Variants in CFAP299 observed in about 807,000 individuals in gnomAD.
CFAP299 encodes cilia- and flagella-associated protein 299.
Under a neutral mutation model 27.0 loss-of-function variants are expected in CFAP299, and 21 were observed. The ratio of observed to expected loss-of-function variants is 0.78; its 90% CI spans 0.55 to 1.12. The LOEUF (loss-of-function observed/expected upper bound fraction) is 1.12, where lower values mean the gene tolerates loss of function less well. Among genes scored for constraint, CFAP299 ranks in the 50% most tolerant of loss-of-function variants. CFAP299 has a pLI of 0.00. For missense variants in CFAP299, 310 were observed against 276.6 expected (o/e 1.12, Z -0.86); for synonymous variants, 104 against 98.1 (o/e 1.06, Z -0.36).
chr4:80,383,915 T>A (rs1475315799), intron 2 of CFAP299, among the ~76,000 whole-genome samples: 1 of 152,164 alleles, frequency 6.6e-6, no homozygotes, highest in Non-Finnish European at 1.5e-5. Context: ...GAATTAATAT[T>A]GTTCTTGTGC....
At chr4:80,766,354 T>C (rs1359676771) in intron 3 of CFAP299, among the ~76,000 whole-genome samples, 1 of 152,194 alleles carries the variant, frequency 6.6e-6, no homozygotes, top group Non-Finnish European at 1.5e-5. Context: ...ATTGTACTTA[T>C]ACAGACGAAA....
intron 2 of CFAP299, chr4:80,388,294 C>T (rs537476646): frequency 3.7e-4 from 255 of 694,626 alleles, no homozygotes; most frequent in Non-Finnish European, 5.7e-4. Context: ...AAATGGCAGA[C>T]ATGAGCAAGT....
rs192873093 is a variant in CFAP299, at chr4:80,652,875, A to G, written c.333+69692A>G. On this transcript the variant is annotated intron_variant, in intron 3 of 5. Coordinates refer to ENST00000358105, the MANE Select transcript of CFAP299 (RefSeq NM_152770.3). ...AGTTCTCAAATCCGACTCGCCTCCA[A>G]TGCAAAGTTGACGTGCCTATGCCTT... Among the ~76,000 whole-genome samples, 17 of 152,220 alleles carry G rather than the reference A, an allele frequency of 1.1e-4. No individual in the cohort carries two copies. The East Asian group carries it at 1.2e-3, about 10-fold the overall frequency.
At chr4:80,743,308 T>C (rs532861637) in intron 3 of CFAP299, among the ~76,000 whole-genome samples, 91 of 152,286 alleles carry the variant, frequency 6.0e-4, no homozygotes, top group Middle Eastern at 6.8e-3. Flanking sequence ...AGAAAAATTT[T>C]AAGCATCATA....
intron 3 of CFAP299, among the ~76,000 whole-genome samples, chr4:80,861,008 C>T (rs1195088943): frequency 6.6e-6 from 1 of 152,196 alleles, no homozygotes; most frequent in African/African-American, 2.4e-5. Flanking sequence ...TGCCCTGCCC[C>T]CAGAGGTGGA....
At chr4:80,897,714 C>G (rs922315303) in intron 4 of CFAP299, among the ~76,000 whole-genome samples, 1 of 152,194 alleles carries the variant, frequency 6.6e-6, no homozygotes, top group African/African-American at 2.4e-5. Context: ...TTCTGCCACA[C>G]CTGACATCTC....
chr4:80,622,651 C>T (rs187451491), intron 3 of CFAP299, among the ~76,000 whole-genome samples: 1 of 152,198 alleles, frequency 6.6e-6, no homozygotes, highest in Admixed American at 6.5e-5. Flanking sequence ...AGTACCATGT[C>T]TACATCAAAT....
At chr4:80,607,654 T>A (rs1737748558) in intron 3 of CFAP299, among the ~76,000 whole-genome samples, 1 of 152,054 alleles carries the variant, frequency 6.6e-6, no homozygotes, top group African/African-American at 2.4e-5. Flanking sequence ...CAGAGAAACA[T>A]TGTGTTATTT....
intron 2 of CFAP299, among the ~76,000 whole-genome samples, chr4:80,455,178 T>C (rs1253394085): frequency 6.6e-6 from 1 of 152,200 alleles, no homozygotes; most frequent in African/African-American, 2.4e-5. Flanking sequence ...TCAAAGGCAG[T>C]CTGGTCCCCA....
chr4:80,413,643 C>T (rs900530788), intron 2 of CFAP299, among the ~76,000 whole-genome samples: 4 of 151,924 alleles, frequency 2.6e-5, no homozygotes, highest in Admixed American at 6.6e-5. Context: ...CTGTGTCTCA[C>T]GAGGCACAAG....
chr4:80,393,890 C>T (rs2110040003), intron 2 of CFAP299, among the ~76,000 whole-genome samples: 1 of 152,212 alleles, frequency 6.6e-6, no homozygotes, highest in East Asian at 1.9e-4. Flanking sequence ...CCCCACGTGT[C>T]AAGAGTGGGA....
intron 5 of CFAP299, among the ~76,000 whole-genome samples, chr4:80,962,630 A>G (rs1399857009): frequency 1.3e-5 from 2 of 152,042 alleles, no homozygotes; most frequent in Non-Finnish European, 2.9e-5. Context: ...ATGGGGGCAC[A>G]GTCAGGACAC....
Position 80,372,202 on chromosome 4 carries a change from G to A in CFAP299, c.242+9318G>A, listed in dbSNP as rs148953717. Among the ~76,000 whole-genome samples the A allele has an allele frequency of 2.2e-3, 337 of 152,232 alleles. 1 individual carries two copies. Among genetic ancestry groups the A allele is most frequent in the African/African-American group, 7.7e-3 (321 of 41,544 alleles). ...GCAGGAGGAAGAGAGAGATGGAGGA[G>A]GTGCCACACATTTTTAAGCAACCAG... is the stretch of plus-strand genomic sequence containing the variant. On this transcript the variant is annotated intron_variant, in intron 2 of 5. Coordinates refer to ENST00000358105, the MANE Select transcript of CFAP299 (RefSeq NM_152770.3).
the CFAP299 span, among the ~76,000 whole-genome samples, chr4:80,328,495 T>C: frequency 1.4e-5 from 2 of 145,086 alleles, no homozygotes; most frequent in South Asian, 2.2e-4. Flanking sequence ...TAGGGTTGTA[T>C]TGTGTGGGTA....
intron 2 of CFAP299, among the ~76,000 whole-genome samples, chr4:80,366,074 C>T (rs924313872): frequency 5.3e-5 from 8 of 152,166 alleles, no homozygotes; most frequent in East Asian, 1.9e-4. Context: ...AGTCCATTCC[C>T]TTCCAGGTTC....
chr4:80,661,705 C>A (rs181440734), intron 3 of CFAP299, among the ~76,000 whole-genome samples: 15 of 152,264 alleles, frequency 9.9e-5, no homozygotes, highest in Admixed American at 3.3e-4. Flanking sequence ...AACAGGACAA[C>A]AGCAATGTTC....
At chr4:80,691,800 G>A (rs1044496546) in intron 3 of CFAP299, among the ~76,000 whole-genome samples, 2 of 152,184 alleles carry the variant, frequency 1.3e-5, no homozygotes, top group African/African-American at 4.8e-5. Flanking sequence ...AAACCCCATT[G>A]TCTCAGCCCA....
At chr4:80,755,119 G>A (rs1725159970) in intron 3 of CFAP299, among the ~76,000 whole-genome samples, 1 of 152,200 alleles carries the variant, frequency 6.6e-6, no homozygotes, top group Middle Eastern at 3.4e-3. Flanking sequence ...ATACTACAAA[G>A]AGGGAAGTGG....
chr4:80,612,580 G>A (rs1419466368), intron 3 of CFAP299, among the ~76,000 whole-genome samples: 4 of 152,008 alleles, frequency 2.6e-5, no homozygotes, highest in Non-Finnish European at 5.9e-5. Flanking sequence ...CTCTGTAACT[G>A]TATAAAATGA....
Sources: gnomAD v4.1 joint callset for allele counts (sites outside exome capture counted in the v4.1 genomes callset) on GRCh38, gnomAD v4.1.1 for gene constraint, MANE v1.5 for transcripts, NCBI Gene and HGNC (gene_info 2026-07-23, HGNC 2026-07-21) for gene names.